CAP2: variants seen among roughly 807,000 people sequenced by gnomAD.
The protein encoded by CAP2 is adenylyl cyclase-associated protein 2.
In CAP2, 24 loss-of-function variants were observed where a neutral mutation model predicts 57.7. The observed-to-expected ratio is 0.42, with a 90% confidence interval of 0.30 to 0.58. The LOEUF (loss-of-function observed/expected upper bound fraction) is 0.58, where lower values mean the gene tolerates loss of function less well. Ranked by LOEUF, CAP2 falls within the 20% of genes least tolerant of loss-of-function variation. The probability of loss-of-function intolerance (pLI) is 0.22; values close to 1 mark genes in which losing one functional copy is unlikely to be tolerated. For missense variants in CAP2, 501 were observed against 590.3 expected (o/e 0.85, Z 1.57); for synonymous variants, 194 against 207.2 (o/e 0.94, Z 0.55).
intron 4 of CAP2, among the ~76,000 whole-genome samples, chr6:17,499,508 A>T (rs1487301699): frequency 1.3e-5 from 2 of 152,022 alleles, no homozygotes; most frequent in Non-Finnish European, 2.9e-5. Flanking sequence ...CCTCTGAAAG[A>T]CCAAGTCACC....
chr6:17,448,077 C>G (rs1325954020), intron 3 of CAP2, among the ~76,000 whole-genome samples: 1 of 152,214 alleles, frequency 6.6e-6, no homozygotes, highest in African/African-American at 2.4e-5. Context: ...TGTGGCGCCA[C>G]AAGGCATGTA....
chr6:17,520,209 G>A (rs1407785846), intron 7 of CAP2, among the ~76,000 whole-genome samples: 1 of 152,142 alleles, frequency 6.6e-6, no homozygotes, highest in Non-Finnish European at 1.5e-5. Context: ...CTGAACTCAA[G>A]CAGTCCTCCT....
At chr6:17,427,350 C>T (rs145479533) in intron 3 of CAP2, among the ~76,000 whole-genome samples, 2,328 of 152,176 alleles carry the variant, frequency 0.015, 17 homozygotes, top group Middle Eastern at 0.024. Flanking sequence ...CCGGGGTCAC[C>T]GGGCAGAGGA....
At chr6:17,459,725 A>G (rs999101797) in intron 3 of CAP2, among the ~76,000 whole-genome samples, 22 of 151,538 alleles carry the variant, frequency 1.5e-4, no homozygotes, top group African/African-American at 2.9e-4. Flanking sequence ...TGCAAAAAAG[A>G]TATGTAAATT....
intron 11 of CAP2, among the ~76,000 whole-genome samples, chr6:17,545,992 G>A (rs1018324156): frequency 3.0e-4 from 46 of 152,204 alleles, no homozygotes; most frequent in African/African-American, 9.1e-4. Flanking sequence ...GAATAGTGCC[G>A]CAATAAACAT....
chr6:17,514,259 A>C (rs1408629485), intron 7 of CAP2, among the ~76,000 whole-genome samples: 2 of 152,116 alleles, frequency 1.3e-5, no homozygotes, highest in African/African-American at 4.8e-5. Flanking sequence ...GCTACTCAGG[A>C]GGCTGAGGCA....
intron 3 of CAP2, among the ~76,000 whole-genome samples, chr6:17,427,793 A>G (rs888359702): frequency 9.2e-5 from 14 of 152,222 alleles, no homozygotes; most frequent in African/African-American, 3.1e-4. Context: ...TGTACATACA[A>G]TGGAATATTA....
chr6:17,438,477 T>C (rs1302726353), intron 3 of CAP2, among the ~76,000 whole-genome samples: 3 of 130,442 alleles, frequency 2.3e-5, no homozygotes, highest in Non-Finnish European at 4.7e-5. Flanking sequence ...CTTTGTCTGT[T>C]GCCCAGGCTG....
intron 3 of CAP2, among the ~76,000 whole-genome samples, chr6:17,439,724 C>A (rs1207081523): frequency 2.6e-5 from 4 of 151,484 alleles, no homozygotes; most frequent in Non-Finnish European, 4.4e-5. Context: ...GGTTCATGCT[C>A]CTATGAGAAT....
intron 3 of CAP2, among the ~76,000 whole-genome samples, chr6:17,442,215 A>G (rs1760104887): frequency 6.6e-6 from 1 of 152,180 alleles, no homozygotes; most frequent in Non-Finnish European, 1.5e-5. Flanking sequence ...TAATGATTGG[A>G]ATATTGCACT....
At chr6:17,426,559 C>T in intron 2 of CAP2, 31 bp from the exon 3 acceptor site, 6 of 1,524,184 alleles carry the variant, frequency 3.9e-6, no homozygotes, top group Non-Finnish European at 5.5e-6. Flanking sequence ...ATTCAACGGC[C>T]AGGGAATAAC....
At chr6:17,457,261 G>A (rs925672214) in intron 3 of CAP2, among the ~76,000 whole-genome samples, 10 of 152,210 alleles carry the variant, frequency 6.6e-5, no homozygotes, top group African/African-American at 1.9e-4. Context: ...CTGCACACAT[G>A]TGATGGACAA....
At chr6:17,484,851 G>A (rs1761383130) in intron 4 of CAP2, among the ~76,000 whole-genome samples, 1 of 152,176 alleles carries the variant, frequency 6.6e-6, no homozygotes. Flanking sequence ...AAGATGCATT[G>A]TGTCATTGTC....
intron 3 of CAP2, among the ~76,000 whole-genome samples, chr6:17,451,789 C>T (rs993875294): frequency 4.6e-5 from 7 of 152,096 alleles, no homozygotes; most frequent in Non-Finnish European, 1.0e-4. Context: ...GGATTACAGG[C>T]GTGAGCCACC....
intron 3 of CAP2, among the ~76,000 whole-genome samples, chr6:17,449,686 A>G (rs1581528808): frequency 6.6e-6 from 1 of 152,264 alleles, no homozygotes; most frequent in Admixed American, 6.5e-5. Flanking sequence ...TGGGATTACA[A>G]GCATGAGCCA....
At chr6:17,400,454 A>T (rs1178018765) in intron 1 of CAP2, among the ~76,000 whole-genome samples, 1 of 152,208 alleles carries the variant, frequency 6.6e-6, no homozygotes, top group Admixed American at 6.5e-5. Context: ...CAGTGAAGGA[A>T]GATAGAATGA....
intron 3 of CAP2, among the ~76,000 whole-genome samples, chr6:17,460,760 T>G (rs1489429450): frequency 6.6e-6 from 1 of 152,230 alleles, no homozygotes; most frequent in Non-Finnish European, 1.5e-5. Context: ...AACTAAAATG[T>G]ATGCTTTTTA....
intron 3 of CAP2, among the ~76,000 whole-genome samples, chr6:17,452,273 T>C (rs1381530173): frequency 6.6e-6 from 1 of 152,222 alleles, no homozygotes; most frequent in Non-Finnish European, 1.5e-5. Flanking sequence ...GGCAATCTGA[T>C]TTCTCATTTC....
intron 7 of CAP2, among the ~76,000 whole-genome samples, chr6:17,521,430 G>A: frequency 6.6e-6 from 1 of 151,870 alleles, no homozygotes. Context: ...AAAAAAAAAA[G>A]AAGTGTCATC....
Sources: allele counts gnomAD v4.1 joint callset (sites outside exome capture counted in the v4.1 genomes callset), GRCh38; gene constraint gnomAD v4.1.1; transcripts MANE v1.5; gene names NCBI Gene and HGNC (gene_info 2026-07-23, HGNC 2026-07-21).